Variants in NF1 observed in about 807,000 individuals in gnomAD.
NF1 encodes neurofibromin 1.
Under a neutral mutation model 325.7 loss-of-function variants are expected in NF1, and 122 were observed. The observed-to-expected ratio is 0.37, with a 90% CI of 0.32 to 0.44. NF1 has a LOEUF of 0.44. NF1 is among the 20% of genes least tolerant of loss of function. NF1 has a pLI of 1.00. For synonymous variants in NF1, 1,091 were observed against 1,186.0 expected (o/e 0.92, Z 1.65); for missense variants, 2,140 against 3,415.4 (o/e 0.63, Z 9.31).
rs776404581 is a variant in NF1, at chr17:31,359,044, T to G, written c.8160+29T>G. 5 of 1,604,212 alleles carry G rather than the reference T, an allele frequency of 3.1e-6. No homozygotes were observed. The South Asian group carries it at 5.5e-5, about 18-fold the overall frequency. On this transcript the variant is annotated intron_variant, in intron 56 of 57. Coordinates refer to ENST00000358273, the MANE Select transcript of NF1 (RefSeq NM_001042492.3). ...AGAAAATATATTTTTCTCTAACTTTTGGCAAAATGAAGGTTTCTGTTCAAA... is the reference window on the plus strand; with the variant it reads ...AGAAAATATATTTTTCTCTAACTTTGGGCAAAATGAAGGTTTCTGTTCAAA...
chr17:31,135,721 CT>C (rs1360727671), intron 1 of NF1, among the ~76,000 whole-genome samples: 1 of 151,918 alleles, frequency 6.6e-6, no homozygotes, highest in Non-Finnish European at 1.5e-5. Context: ...CATGTGCCAT[CT>C]TGTCTAGATA....
rs555357925 is a variant in NF1 at position 31,208,402 on chromosome 17, G to A, written c.1392+2031G>A. On this transcript the variant is annotated intron_variant, in intron 12 of 57. Coordinates refer to ENST00000358273, the MANE Select transcript of NF1 (RefSeq NM_001042492.3). ...AGAAAATTTTAGGTTTTGAATGGCTGTTAGGGTAAAATCTCACCCTTCATA... is the reference window on the plus strand; with the variant it reads ...AGAAAATTTTAGGTTTTGAATGGCTATTAGGGTAAAATCTCACCCTTCATA... Among the ~76,000 whole-genome samples the A allele has an allele frequency of 3.9e-5, 6 of 152,146 alleles. No homozygotes were observed. In the East Asian group the frequency reaches 7.7e-4, roughly 20 times the overall value.
At chr17:31,322,927 C>T in intron 36 of NF1, among the ~76,000 whole-genome samples, 1 of 152,182 alleles carries the variant, frequency 6.6e-6, no homozygotes. Flanking sequence ...CATACCTAGA[C>T]TCTACAGTGC....
chr17:31,271,078 A>C (rs1289056481), intron 36 of NF1, among the ~76,000 whole-genome samples: 2 of 152,226 alleles, frequency 1.3e-5, no homozygotes, highest in African/African-American at 4.8e-5. Flanking sequence ...CCTAAGCCAA[A>C]GCTCTTAACA....
At chr17:31,236,888 C>G (rs1318501816) in intron 29 of NF1, among the ~76,000 whole-genome samples, 2 of 152,174 alleles carry the variant, frequency 1.3e-5, no homozygotes, top group East Asian at 1.9e-4. Context: ...GAGTTTCTCT[C>G]TCCTCTAGAC....
At chr17:31,235,554 C>T (rs2151437560) in intron 27 of NF1, 57 bp from the exon 28 acceptor site, 1 of 1,604,292 alleles carries the variant, frequency 6.2e-7, no homozygotes, top group Admixed American at 1.7e-5. Flanking sequence ...CTTTAGCTTC[C>T]TACCTAAGAA....
chr17:31,351,798 G>A (rs763415550), intron 50 of NF1, among the ~76,000 whole-genome samples: 9 of 152,010 alleles, frequency 5.9e-5, no homozygotes, highest in Non-Finnish European at 1.0e-4. Context: ...GCCCAGGATG[G>A]CTTTGAATGC....
In NF1 at chr17:31,107,362, G is replaced by A. The variant is rs556776056; in HGVS notation, c.60+11993G>A. The stretch of plus-strand genomic sequence containing the variant: ...TCATATATTGGCGACAAAGATCAAC[G>A]AAGACCTGAAGCTCTTGTTCCTCTC... On this transcript the variant is annotated intron_variant, in intron 1 of 57. Coordinates refer to ENST00000358273, the MANE Select transcript of NF1 (RefSeq NM_001042492.3). Among the ~76,000 whole-genome samples the A allele has an allele frequency of 6.6e-5, 10 of 152,170 alleles. No homozygotes were observed. In the East Asian group the frequency reaches 7.7e-4, roughly 12 times the overall value.
At chr17:31,366,451 C>T (rs966650522) in intron 57 of NF1, among the ~76,000 whole-genome samples, 2 of 152,184 alleles carry the variant, frequency 1.3e-5, no homozygotes, top group African/African-American at 4.8e-5. Context: ...TCCTGAGAAG[C>T]TGGCTAGATC....
At chr17:31,274,599 CA>C (rs934061080) in intron 36 of NF1, among the ~76,000 whole-genome samples, 3 of 150,560 alleles carry the variant, frequency 2.0e-5, no homozygotes, top group Non-Finnish European at 1.5e-5. Context: ...AGTAAACAAA[CA>C]AAAAAAAACT....
At chr17:31,281,851 G>T (rs2068124787) in intron 36 of NF1, among the ~76,000 whole-genome samples, 1 of 152,050 alleles carries the variant, frequency 6.6e-6, no homozygotes, top group African/African-American at 2.4e-5. Flanking sequence ...GAGTCCAGGA[G>T]TTCGAGACCA....
chr17:31,349,855 TC>T (rs1334395006), intron 49 of NF1, among the ~76,000 whole-genome samples: 2 of 152,230 alleles, frequency 1.3e-5, no homozygotes, highest in African/African-American at 4.8e-5. Flanking sequence ...ATTCTCAGTT[TC>T]ACAGACTTGT....
At chr17:31,202,925 TAA>T in intron 11 of NF1, among the ~76,000 whole-genome samples, 1 of 152,286 alleles carries the variant, frequency 6.6e-6, no homozygotes, top group Middle Eastern at 3.4e-3. Context: ...AACTCAGAAA[TAA>T]GTCATTATTG....
chr17:31,232,620 A>G, intron 25 of NF1, 80 bp from the exon 26 acceptor site: 1 of 1,331,322 alleles, frequency 7.5e-7, no homozygotes, highest in Non-Finnish European at 1.1e-6. Context: ...CCATGCACAT[A>G]TGATTGTTTT....
intron 48 of NF1, among the ~76,000 whole-genome samples, chr17:31,347,072 G>C (rs1209015953): frequency 6.6e-6 from 1 of 150,766 alleles, no homozygotes; most frequent in Non-Finnish European, 1.5e-5. Context: ...AAAGTCTTTT[G>C]GGAATCCTCA....
Position 31,252,986 on chromosome 17 carries a change from G to A in NF1, c.4159G>A (p.Glu1387Lys), listed in dbSNP as rs757017345. 5 of 1,613,096 alleles carry A rather than the reference G, an allele frequency of 3.1e-6. No homozygotes were observed. The highest frequency in any genetic ancestry group is 4.2e-6 in the Non-Finnish European group (5 of 1,179,512). ...TAAAGCTACAGTAAAAGAAAAAAAG[G>A]AAAACAAAAAATCAGTAAGTTTGGA... is the stretch of plus-strand genomic sequence containing the variant. ...LNKATVKEKK[E>K]NKKSVVSQRF... Residue 1387 changes from glutamate to lysine, a missense_variant, in exon 31 of 58, where the codon GAA becomes AAA. Physicochemically the swap from Glu to Lys is moderately conservative, Grantham distance 56. Transcript: ENST00000358273.
At chr17:31,223,256 C>A (rs2066958232) in intron 15 of NF1, among the ~76,000 whole-genome samples, 188 bp from the exon 16 acceptor site, 1 of 152,020 alleles carries the variant, frequency 6.6e-6, no homozygotes, top group Non-Finnish European at 1.5e-5. Context: ...TTTTCTATAA[C>A]CTGTAGACTT....
chr17:31,258,086 G>A (rs928432483), intron 31 of NF1, among the ~76,000 whole-genome samples: 1 of 151,916 alleles, frequency 6.6e-6, no homozygotes, highest in Non-Finnish European at 1.5e-5. Context: ...CTTTTTTCAG[G>A]TTTCTTCTAC....
intron 47 of NF1, among the ~76,000 whole-genome samples, chr17:31,342,495 G>C (rs2151564419): frequency 6.6e-6 from 1 of 152,306 alleles, no homozygotes; most frequent in South Asian, 2.1e-4. Context: ...CTGGGAGGCT[G>C]AGGTGGGAAG....
Sources: allele counts gnomAD v4.1 joint callset (sites outside exome capture counted in the v4.1 genomes callset), GRCh38; gene constraint gnomAD v4.1.1; transcripts MANE v1.5; gene names NCBI Gene and HGNC (gene_info 2026-07-23, HGNC 2026-07-21).